The following SLC22A2 variants were observed in gnomAD, a reference collection of about 807,000 sequenced individuals.
SLC22A2 encodes solute carrier family 22 member 2, also known as organic cation transporter 2.
In SLC22A2, 46 loss-of-function variants were observed where a neutral mutation model predicts 60.5. The ratio of observed to expected loss-of-function variants is 0.76; its 90% CI spans 0.60 to 0.97. The LOEUF (loss-of-function observed/expected upper bound fraction) is 0.97, where lower values mean the gene tolerates loss of function less well. Ranked by LOEUF, SLC22A2 falls within the 50% of genes least tolerant of loss-of-function variation. SLC22A2 has a pLI of 0.00. For synonymous variants in SLC22A2, 303 were observed against 267.0 expected, an observed-to-expected ratio of 1.13 and a Z score of -1.31; for missense variants, 701 against 706.6, an observed-to-expected ratio of 0.99 and a Z score of 0.09.
At chr6:160,256,897 TC>T (rs1562439884) in intron 1 of SLC22A2, among the ~76,000 whole-genome samples, 180 bp from the exon 2 acceptor site, 3 of 146,634 alleles carry the variant, frequency 2.0e-5, no homozygotes, top group East Asian at 2.0e-4. Flanking sequence ...CTTCTCTCTC[TC>T]TCTCTTTTTT....
In SLC22A2 at chr6:160,217,381, G is replaced by A. The variant is rs1285550431; in HGVS notation, c.*51C>T. On this transcript the variant is annotated 3_prime_UTR_variant, in exon 11 of 11. Transcript: ENST00000366953. Reference sequence around the variant, plus strand: ...GATGAGTGCAGGGATTTCTACTTTTGGTCTTGCTGCCATCAAAGCTAGGTC... The same window carrying A: ...GATGAGTGCAGGGATTTCTACTTTTAGTCTTGCTGCCATCAAAGCTAGGTC... The A allele has an allele frequency of 1.7e-6, 2 of 1,168,484 alleles. No individual in the cohort carries two copies. Among genetic ancestry groups the A allele is most frequent in the East Asian group, 4.7e-5 (2 of 42,670 alleles). 72.4% of individuals were successfully genotyped at this position (1,168,484 alleles called of 1,614,324 possible). A position where few individuals can be genotyped will look rare whatever the true frequency, so the allele number is the denominator to read the frequency against.
chr6:160,233,945 A>G (rs1782869153), intron 9 of SLC22A2, among the ~76,000 whole-genome samples: 1 of 152,114 alleles, frequency 6.6e-6, no homozygotes, highest in South Asian at 2.1e-4. Flanking sequence ...TCTGAGCCCA[A>G]GCTAAGCCAT....
intron 10 of SLC22A2, chr6:160,218,334 TAGCAGCAATAGAAGC>T: frequency 2.8e-6 from 1 of 357,624 alleles, no homozygotes; most frequent in East Asian, 7.8e-5. Context: ...ACAGTAGAAA[TAGCAGCAATAGAAGC>T]AGCAGCAGGA....
chr6:160,229,285 T>A (rs1010267261), intron 9 of SLC22A2, among the ~76,000 whole-genome samples: 6 of 151,904 alleles, frequency 3.9e-5, no homozygotes, highest in African/African-American at 1.2e-4. Context: ...CACACTTCAA[T>A]CTCTCCCTTC....
chr6:160,225,039 G>C, intron 9 of SLC22A2, among the ~76,000 whole-genome samples: 1 of 152,124 alleles, frequency 6.6e-6, no homozygotes, highest in African/African-American at 2.4e-5. Flanking sequence ...TTGAGTCAAG[G>C]TTATTCTAGG....
intron 10 of SLC22A2, among the ~76,000 whole-genome samples, chr6:160,219,085 A>G (rs374573869): frequency 9.4e-3 from 633 of 67,356 alleles, no homozygotes; most frequent in Middle Eastern, 0.021. Context: ...TAGCAGCATC[A>G]GCAACAATAA....
chr6:160,238,534 G>A (rs959447119), intron 9 of SLC22A2, among the ~76,000 whole-genome samples: 2 of 152,172 alleles, frequency 1.3e-5, no homozygotes, highest in African/African-American at 2.4e-5. Flanking sequence ...TTTTTCCAGT[G>A]CTCTTTCAGC....
At chr6:160,232,845 A>G (rs1230268390) in intron 9 of SLC22A2, among the ~76,000 whole-genome samples, 2 of 151,798 alleles carry the variant, frequency 1.3e-5, no homozygotes, top group Non-Finnish European at 2.9e-5. Flanking sequence ...CCTACTCCCC[A>G]CTGAAACTTC....
intron 9 of SLC22A2, among the ~76,000 whole-genome samples, chr6:160,226,532 T>G (rs1226234033): frequency 6.6e-6 from 1 of 152,170 alleles, no homozygotes; most frequent in Admixed American, 6.5e-5. Context: ...CGCTAAGCTG[T>G]AACCAATCCC....
At chr6:160,223,557 C>T (rs1376429702) in intron 10 of SLC22A2, among the ~76,000 whole-genome samples, 2 of 152,054 alleles carry the variant, frequency 1.3e-5, no homozygotes, top group Non-Finnish European at 2.9e-5. Flanking sequence ...AATGGCATAT[C>T]ATTTATTTAA....
At chr6:160,233,215 C>G (rs1782853324) in intron 9 of SLC22A2, among the ~76,000 whole-genome samples, 1 of 151,986 alleles carries the variant, frequency 6.6e-6, no homozygotes, top group Non-Finnish European at 1.5e-5. Flanking sequence ...GACACTTTCA[C>G]TGGATGGGTA....
intron 6 of SLC22A2, chr6:160,244,183 C>T (rs934801418): frequency 1.2e-5 from 2 of 173,568 alleles, no homozygotes; most frequent in African/African-American, 4.8e-5. Context: ...CTTTCAGTTT[C>T]AAGTTATTCC....
chr6:160,247,575 C>T (rs545726183), intron 4 of SLC22A2, among the ~76,000 whole-genome samples: 1 of 152,258 alleles, frequency 6.6e-6, no homozygotes, highest in Non-Finnish European at 1.5e-5. Flanking sequence ...CTCAGGGTGG[C>T]CCTGGGCTTT....
intron 9 of SLC22A2, among the ~76,000 whole-genome samples, chr6:160,239,142 A>G (rs1271899743): frequency 6.6e-6 from 1 of 152,142 alleles, no homozygotes; most frequent in Non-Finnish European, 1.5e-5. Flanking sequence ...CACTAATTAT[A>G]ATGCATTAGC....
At chr6:160,249,901 C>T (rs1172083855) in intron 3 of SLC22A2, among the ~76,000 whole-genome samples, 1 of 152,216 alleles carries the variant, frequency 6.6e-6, no homozygotes, top group East Asian at 1.9e-4. Flanking sequence ...ACTGGTTTTA[C>T]ATGCTGGGGA....
At chr6:160,247,919 G>T (rs1462186301) in intron 4 of SLC22A2, among the ~76,000 whole-genome samples, 1 of 152,152 alleles carries the variant, frequency 6.6e-6, no homozygotes, top group African/African-American at 2.4e-5. Flanking sequence ...AGATAATAGG[G>T]CTGCTGCTGT....
chr6:160,252,288 A>G (rs976103099), intron 2 of SLC22A2, among the ~76,000 whole-genome samples: 3 of 152,196 alleles, frequency 2.0e-5, no homozygotes, highest in Admixed American at 6.5e-5. Flanking sequence ...TCAACTTTCA[A>G]AACTGCTTCA....
chr6:160,236,620 T>C (rs1172948325), intron 9 of SLC22A2, among the ~76,000 whole-genome samples: 2 of 148,380 alleles, frequency 1.3e-5, no homozygotes, highest in Non-Finnish European at 3.0e-5. Flanking sequence ...AGGCTTTGAC[T>C]GGAATGTTGT....
Position 160,224,756 on chromosome 6 carries a change from G to A in SLC22A2, c.1550C>T (p.Thr517Ile), listed in dbSNP as rs763857819. 1 of 1,602,000 alleles carries A rather than the reference G, an allele frequency of 6.2e-7. No individual in the cohort carries two copies. The highest frequency in any genetic ancestry group is 8.5e-7 in the Non-Finnish European group (1 of 1,173,100). Residue 517 changes from threonine to isoleucine, a missense_variant, in exon 10 of 11, where the codon ACT (threonine) becomes ATT (isoleucine). Transcript: ENST00000366953. Reference protein sequence around the residue: ...AGGLVLLLPETKGKALPETIE... With the variant: ...AGGLVLLLPEIKGKALPETIE... ...GGTCTCAGGCAAAGCTTTCCCTTTA[G>A]TTTCTGGAAGCAACAGCACCAGACC...
Sources: gnomAD v4.1 joint callset for allele counts (sites outside exome capture counted in the v4.1 genomes callset) on GRCh38, gnomAD v4.1.1 for gene constraint, MANE v1.5 for transcripts, NCBI Gene and HGNC (gene_info 2026-07-23, HGNC 2026-07-21) for gene names.